EHBP1: variants seen among roughly 807,000 people sequenced by gnomAD.
The protein encoded by EHBP1 is EH domain binding protein 1.
In EHBP1, 55 loss-of-function variants were observed where a neutral mutation model predicts 144.0. The ratio of observed to expected loss-of-function variants is 0.38; its 90% CI spans 0.31 to 0.48. The LOEUF (loss-of-function observed/expected upper bound fraction) is 0.48, where lower values mean the gene tolerates loss of function less well. EHBP1 is among the 20% of genes least tolerant of loss of function. The pLI is 0.98. For synonymous variants in EHBP1, 469 were observed against 472.7 expected (o/e 0.99, Z 0.10); for missense variants, 1,200 against 1,364.2 (o/e 0.88, Z 1.90).
Position 63,017,715 on chromosome 2 carries a change from A to T in EHBP1, c.3104-19820A>T, listed in dbSNP as rs559964114. Among the ~76,000 whole-genome samples, 38 of 152,356 alleles carry T rather than the reference A, an allele frequency of 2.5e-4. No individual in the cohort carries two copies. In the Middle Eastern group the frequency reaches 0.01, roughly 41 times the overall value. On this transcript the variant is annotated intron_variant, in intron 19 of 22. Transcript: ENST00000431489. Reference sequence around the variant, plus strand: ...CCTATCATCATCAAGCACTAAAAAAAGGTATAATGAATTAATATTGTTCTC... The same window carrying T: ...CCTATCATCATCAAGCACTAAAAAATGGTATAATGAATTAATATTGTTCTC...
intron 2 of EHBP1, among the ~76,000 whole-genome samples, chr2:62,728,062 T>C (rs954483191): frequency 6.6e-5 from 10 of 152,228 alleles, no homozygotes; most frequent in Non-Finnish European, 8.8e-5. Flanking sequence ...ATCTTAAATA[T>C]TGGACACCCT....
At chr2:62,911,281 GA>G (rs1319428774) in intron 10 of EHBP1, among the ~76,000 whole-genome samples, 2 of 152,104 alleles carry the variant, frequency 1.3e-5, no homozygotes, top group East Asian at 1.9e-4. Flanking sequence ...CTGTAGTGAG[GA>G]TTAAACACAT....
intron 7 of EHBP1, among the ~76,000 whole-genome samples, chr2:62,835,941 G>A (rs1054630932): frequency 7.9e-5 from 12 of 151,980 alleles, no homozygotes; most frequent in Admixed American, 7.2e-4. Flanking sequence ...GCCCAGGCTT[G>A]CTTAGGTAAA....
chr2:62,978,088 G>A (rs1211600295), intron 14 of EHBP1, among the ~76,000 whole-genome samples: 1 of 152,060 alleles, frequency 6.6e-6, no homozygotes, highest in Non-Finnish European at 1.5e-5. Flanking sequence ...AAGATATGTT[G>A]GGGCCAGATT....
At chr2:62,897,625 C>T (rs1318564642) in intron 10 of EHBP1, among the ~76,000 whole-genome samples, 2 of 152,172 alleles carry the variant, frequency 1.3e-5, no homozygotes, top group Non-Finnish European at 1.5e-5. Context: ...TGAGCTCTGC[C>T]TACTCAGCAT....
intron 15 of EHBP1, among the ~76,000 whole-genome samples, chr2:62,981,451 C>A (rs552520115): frequency 6.6e-6 from 1 of 152,226 alleles, no homozygotes; most frequent in South Asian, 2.1e-4. Context: ...GATGAAGGGG[C>A]AGTTGGTATC....
chr2:62,746,229 G>T (rs1456926095), intron 2 of EHBP1, among the ~76,000 whole-genome samples: 4 of 151,992 alleles, frequency 2.6e-5, no homozygotes, highest in Middle Eastern at 3.2e-3. Context: ...CACTGGAATT[G>T]TCCTAGTGCA....
At chr2:62,722,872 C>G (rs1399062787) in intron 2 of EHBP1, among the ~76,000 whole-genome samples, 1 of 152,114 alleles carries the variant, frequency 6.6e-6, no homozygotes, top group Admixed American at 6.5e-5. Context: ...TTCAAGAGAG[C>G]TGTTGTTATG....
In EHBP1 at chr2:63,037,582, T is replaced by C; in HGVS notation, c.3151T>C (p.Leu1051=). The change falls in exon 20 of 23, where the codon TTA becomes CTA. Residue 1051 remains leucine (L), a synonymous_variant. Coordinates refer to ENST00000431489, the MANE Select transcript of EHBP1 (RefSeq NM_001142616.3). ...AGCTATGATGCAGGAATGGTTTATG[T>C]TAGTTAATAAGAAAAATGCCTTAAT... ...EEAMMQEWFM[L]VNKKNALIRR... is the part of the protein sequence containing the mutation. 3.7e-6 allele frequency: 6 copies of C among 1,606,396 alleles called. No individual in the cohort carries two copies. The highest frequency in any genetic ancestry group is 5.1e-6 in the Non-Finnish European group (6 of 1,176,094).
intron 10 of EHBP1, chr2:62,940,067 G>T (rs2056650446): frequency 7.0e-6 from 3 of 427,354 alleles, no homozygotes; most frequent in Non-Finnish European, 4.7e-6. Context: ...CAAAGGAAAA[G>T]AATCTCAAAG....
intron 10 of EHBP1, among the ~76,000 whole-genome samples, chr2:62,875,042 C>G (rs1196133788): frequency 6.6e-6 from 1 of 152,086 alleles, no homozygotes; most frequent in African/African-American, 2.4e-5. Context: ...CTGGTGTAAG[C>G]ATATGCACAC....
chr2:62,894,554 A>G (rs2052725436), intron 10 of EHBP1, among the ~76,000 whole-genome samples: 1 of 152,288 alleles, frequency 6.6e-6, no homozygotes, highest in Middle Eastern at 3.4e-3. Context: ...GCATTGAAGT[A>G]TGAAAGTGCC....
intron 19 of EHBP1, among the ~76,000 whole-genome samples, chr2:62,997,269 C>G (rs1236781627): frequency 1.3e-5 from 2 of 151,822 alleles, no homozygotes; most frequent in African/African-American, 4.8e-5. Context: ...CTTTGTGTCA[C>G]AGTTGCATTT....
intron 14 of EHBP1, among the ~76,000 whole-genome samples, chr2:62,977,122 G>A (rs1179526258): frequency 6.7e-6 from 1 of 150,292 alleles, no homozygotes; most frequent in Non-Finnish European, 1.5e-5. Context: ...ATGCACCATT[G>A]CCTGATTAAT....
At chr2:62,780,467 A>G (rs1164313450) in intron 5 of EHBP1, among the ~76,000 whole-genome samples, 2 of 152,240 alleles carry the variant, frequency 1.3e-5, no homozygotes, top group Admixed American at 6.5e-5. Context: ...TCATATATAT[A>G]TATCTCTCCT....
intron 10 of EHBP1, among the ~76,000 whole-genome samples, chr2:62,879,032 C>A (rs1185339971): frequency 1.7e-3 from 254 of 147,486 alleles, no homozygotes; most frequent in South Asian, 9.7e-3. Flanking sequence ...AAAAAAAAAA[C>A]AAAAAACTAC....
chr2:62,820,691 G>A (rs1267721801), intron 5 of EHBP1, among the ~76,000 whole-genome samples: 1 of 132,254 alleles, frequency 7.6e-6, no homozygotes, highest in African/African-American at 2.9e-5. Context: ...CCTTTTTAAG[G>A]CTGAATAGTA....
intron 10 of EHBP1, among the ~76,000 whole-genome samples, chr2:62,879,049 ATC>A (rs1205953345): frequency 6.6e-6 from 1 of 152,074 alleles, no homozygotes; most frequent in South Asian, 2.1e-4. Flanking sequence ...CTACATGTTT[ATC>A]TGAGTAAATG....
chr2:62,734,747 G>A (rs360786), intron 2 of EHBP1, among the ~76,000 whole-genome samples: 23,747 of 152,000 alleles, frequency 0.16, 2,145 homozygotes, highest in Middle Eastern at 0.24. Context: ...TGTCTTTTGT[G>A]TATGTGTGCG....
Sources: allele counts gnomAD v4.1 joint callset (sites outside exome capture counted in the v4.1 genomes callset), GRCh38; gene constraint gnomAD v4.1.1; transcripts MANE v1.5; gene names NCBI Gene and HGNC (gene_info 2026-07-23, HGNC 2026-07-21).